Variants in GLI2 observed in about 807,000 individuals in gnomAD.
GLI2 encodes the protein transcription activator GLI2.
Under a neutral mutation model 78.9 loss-of-function variants are expected in GLI2, and 22 were observed. That is an observed-to-expected ratio of 0.28 (90% CI 0.20 to 0.40). The LOEUF (loss-of-function observed/expected upper bound fraction) is 0.40. Among genes scored for constraint, GLI2 ranks in the 10% least tolerant of loss-of-function variants. The probability of loss-of-function intolerance (pLI) is 1.00; values close to 1 mark genes in which losing one functional copy is unlikely to be tolerated. For synonymous variants in GLI2, 974 were observed against 963.7 expected (o/e 1.01, Z -0.20); for missense variants, 2,097 against 2,213.2 (o/e 0.95, Z 1.05).
chr2:120,953,082 C>G (rs1200708325), intron 4 of GLI2, among the ~76,000 whole-genome samples: 1 of 152,230 alleles, frequency 6.6e-6, no homozygotes, highest in African/African-American at 2.4e-5. Flanking sequence ...AATCCCCAAA[C>G]CTGTGGGTAT....
chr2:120,975,808 C>T (rs1440419328), intron 9 of GLI2, among the ~76,000 whole-genome samples: 1 of 152,140 alleles, frequency 6.6e-6, no homozygotes, highest in Admixed American at 6.5e-5. Flanking sequence ...AGGCTTGGCA[C>T]GGGAGACACC....
At chr2:120,768,081 T>C (rs1039096351) in intron 1 of GLI2, among the ~76,000 whole-genome samples, 17 of 152,224 alleles carry the variant, frequency 1.1e-4, no homozygotes, top group African/African-American at 3.6e-4. Flanking sequence ...TTTTTACTCT[T>C]GTCTGAAGCT....
chr2:120,782,366 T>G (rs1419796619), intron 1 of GLI2, among the ~76,000 whole-genome samples: 1 of 152,212 alleles, frequency 6.6e-6, no homozygotes, highest in Non-Finnish European at 1.5e-5. Flanking sequence ...TGAGCAGGCC[T>G]TCTTTGGTTT....
intron 2 of GLI2, among the ~76,000 whole-genome samples, chr2:120,878,287 G>A (rs2104700882): frequency 6.6e-6 from 1 of 152,338 alleles, no homozygotes; most frequent in South Asian, 2.1e-4. Flanking sequence ...ACCGTCAAAT[G>A]TATTAGTTAT....
At position 120,980,527 on chromosome 2, in the gene GLI2, T is replaced by C. The variant is rs1037887991; in HGVS notation, c.1467+1944T>C. ...TGTAAGAATTTTTCATATATCTGGTTACTAGACCCTTGTCAGATATATGAT... is the reference window on the plus strand; with the variant it reads ...TGTAAGAATTTTTCATATATCTGGTCACTAGACCCTTGTCAGATATATGAT... On this transcript the variant is annotated intron_variant, in intron 10 of 13. Transcript: ENST00000361492. 2.6e-5 allele frequency among the ~76,000 whole-genome samples: 4 copies of C among 152,360 alleles called. No individual in the cohort carries two copies. In the South Asian group the frequency reaches 8.3e-4, roughly 32 times the overall value.
chr2:120,741,530 C>T (rs549334136), intron 1 of GLI2, among the ~76,000 whole-genome samples: 1 of 152,002 alleles, frequency 6.6e-6, no homozygotes, highest in South Asian at 2.1e-4. Context: ...CCGTTTCCCC[C>T]TCCTCCGTTT....
rs533211518 is a variant in GLI2 at position 120,955,473 on chromosome 2, C to T, written c.643+43C>T. 1.3e-5 allele frequency: 16 copies of T among 1,278,562 alleles called. No individual in the cohort carries two copies. The East Asian group carries it at 2.2e-4, about 18-fold the overall frequency. The allele number at this position is 1,278,562 out of a possible 1,614,324, so 79.2% of individuals were successfully genotyped here. A position where few individuals can be genotyped will look rare whatever the true frequency, so the allele number is the denominator to read the frequency against. ...GGGGCTGAGGATGGGGCTAGCAGATCTCCTCTTGAGGCTGAGAAGGTCACT... is the reference window on the plus strand; with the variant it reads ...GGGGCTGAGGATGGGGCTAGCAGATTTCCTCTTGAGGCTGAGAAGGTCACT... On this transcript the variant is annotated intron_variant, in intron 5 of 13. Transcript: ENST00000361492.
intron 2 of GLI2, among the ~76,000 whole-genome samples, chr2:120,902,412 C>T (rs1000406318): frequency 2.0e-5 from 3 of 152,142 alleles, no homozygotes; most frequent in African/African-American, 4.8e-5. Context: ...CAGTACTCAT[C>T]GGGTGTAGTG....
At chr2:120,810,671 A>C (rs1290171686) in intron 2 of GLI2, among the ~76,000 whole-genome samples, 3 of 152,196 alleles carry the variant, frequency 2.0e-5, no homozygotes, top group Non-Finnish European at 4.4e-5. Flanking sequence ...GAAGGGACAG[A>C]TCTTCTCGAT....
intron 2 of GLI2, among the ~76,000 whole-genome samples, chr2:120,867,808 G>A (rs1688220971): frequency 6.6e-6 from 1 of 152,200 alleles, no homozygotes; most frequent in South Asian, 2.1e-4. Flanking sequence ...GGGAGCTGGA[G>A]GGAAGGAGGG....
intron 7 of GLI2, 143 bp downstream of exon 7, chr2:120,970,749 C>T (rs1682108903): frequency 4.3e-6 from 3 of 704,510 alleles, no homozygotes; most frequent in South Asian, 3.3e-5. Context: ...GCAGAGGCCA[C>T]GTTACAGAAA....
At chr2:120,929,151 C>T (rs939302897) in intron 3 of GLI2, among the ~76,000 whole-genome samples, 3 of 152,146 alleles carry the variant, frequency 2.0e-5, no homozygotes, top group African/African-American at 4.8e-5. Context: ...TGATGACATT[C>T]GGATCATGCG....
At chr2:120,971,572 G>A (rs1345097408) in intron 7 of GLI2, among the ~76,000 whole-genome samples, 5 of 152,370 alleles carry the variant, frequency 3.3e-5, no homozygotes, top group African/African-American at 9.6e-5. Context: ...CTATGCCCTG[G>A]GCTGGCCAGG....
At chr2:120,888,789 G>T (rs544438893) in intron 2 of GLI2, among the ~76,000 whole-genome samples, 3 of 152,322 alleles carry the variant, frequency 2.0e-5, no homozygotes, top group Admixed American at 1.3e-4. Context: ...TTCCAGTTCT[G>T]GGTCAGGACT....
chr2:120,810,728 G>A (rs1472944746), intron 2 of GLI2, among the ~76,000 whole-genome samples: 1 of 152,238 alleles, frequency 6.6e-6, no homozygotes, highest in Non-Finnish European at 1.5e-5. Context: ...AGCCCGCTCT[G>A]GCTCTCTGAA....
chr2:120,742,062 A>G (rs752074249), intron 1 of GLI2, among the ~76,000 whole-genome samples: 10 of 152,216 alleles, frequency 6.6e-5, no homozygotes, highest in Non-Finnish European at 1.0e-4. Context: ...TTGCCTTTAC[A>G]GCTGGCGAAG....
At chr2:120,782,062 T>C (rs1207171263) in intron 1 of GLI2, among the ~76,000 whole-genome samples, 2 of 152,232 alleles carry the variant, frequency 1.3e-5, no homozygotes, top group Non-Finnish European at 2.9e-5. Flanking sequence ...AACATTTCTG[T>C]ATTTCTCTAA....
At chr2:120,849,446 G>A (rs1687297838) in intron 2 of GLI2, among the ~76,000 whole-genome samples, 1 of 151,848 alleles carries the variant, frequency 6.6e-6, no homozygotes, top group Non-Finnish European at 1.5e-5. Flanking sequence ...CAATAGTGAT[G>A]ATGATGATGA....
chr2:120,954,231 G>A (rs1208717974), intron 4 of GLI2, among the ~76,000 whole-genome samples: 1 of 152,194 alleles, frequency 6.6e-6, no homozygotes, highest in Non-Finnish European at 1.5e-5. Flanking sequence ...CCGAGGCAGT[G>A]TTGGCCAGAC....
Sources: gnomAD v4.1 joint callset for allele counts (sites outside exome capture counted in the v4.1 genomes callset) on GRCh38, gnomAD v4.1.1 for gene constraint, MANE v1.5 for transcripts, NCBI Gene and HGNC (gene_info 2026-07-23, HGNC 2026-07-21) for gene names.